The following TMEM200B variants were observed in gnomAD, a reference collection of about 807,000 sequenced individuals.
TMEM200B encodes transmembrane protein 200B, also known as transmembrane protein TTMA.
In TMEM200B, 12 loss-of-function variants were observed where a neutral mutation model predicts 17.6. The ratio of observed to expected loss-of-function variants is 0.68; its 90% CI spans 0.44 to 1.11. The LOEUF (loss-of-function observed/expected upper bound fraction) is 1.11, where lower values mean the gene tolerates loss of function less well. Ranked by LOEUF, TMEM200B falls within the 50% of genes least tolerant of loss-of-function variation. The pLI, the probability that TMEM200B is intolerant of heterozygous loss-of-function variation, is 0.00. For synonymous variants in TMEM200B, 234 were observed against 209.2 expected (o/e 1.12, Z -1.02); for missense variants, 456 against 447.6 (o/e 1.02, Z -0.17).
At position 29,120,798 on chromosome 1, in the gene TMEM200B, A is replaced by G; in HGVS notation, c.*107T>C. On this transcript the variant is annotated 3_prime_UTR_variant, in exon 2 of 2. Transcript: ENST00000521452. ...TGCTGTGGTCAGAGCATCCATCCCC[A>G]GCCTGGGATGTGACTGAAACATCTA... 7.4e-7 allele frequency: 1 copy of G among 1,356,122 alleles called. No homozygotes were observed. The highest frequency in any genetic ancestry group is 2.1e-4 in the Middle Eastern group (1 of 4,804). The allele number at this position is 1,356,122 out of a possible 1,614,324, so 84.0% of individuals were successfully genotyped here.
In TMEM200B at chr1:29,121,041, A is replaced by AAG. The variant is rs1393714564; in HGVS notation, c.787_788insCT (p.Leu263ProfsTer55). 1.2e-6 allele frequency: 2 copies of AAG among 1,613,824 alleles called. No individual in the cohort carries two copies. The highest frequency in any genetic ancestry group is 2.2e-5 in the South Asian group (2 of 91,088). On this transcript the variant is annotated frameshift_variant, in exon 2 of 2. Transcript: ENST00000521452. LOFTEE classifies it high-confidence loss of function. This position sits in a 1 kb window ranked among gnomAD's most constrained non-coding sequence, Gnocchi z 5.6. ...CCCAAGGAGGAGCTCCCCAAGGCCC[A>AAG]GATCCAGAGACTTGGAATGTTCAAT...
rs763533012 is a variant in TMEM200B, at chr1:29,121,054, T to G, written c.775A>C (p.Lys259Gln). ...TCCCCAAGGCCCAGATCCAGAGACTTGGAATGTTCAATGCAGGAGCCAGAC... is the reference window on the plus strand; with the variant it reads ...TCCCCAAGGCCCAGATCCAGAGACTGGGAATGTTCAATGCAGGAGCCAGAC... Reference protein sequence around the residue: ...QPSGSCIEHSKSLDLGLGELL... With the variant: ...QPSGSCIEHSQSLDLGLGELL... The change falls in exon 2 of 2, where the codon AAG becomes CAG. Residue 259 changes from lysine (K) to glutamine (Q), a missense_variant. By Grantham distance (53) the Lys-to-Gln change is moderately conservative. Coordinates refer to ENST00000521452, the MANE Select transcript of TMEM200B (RefSeq NM_001003682.4). This position sits in a 1 kb window ranked among gnomAD's most constrained non-coding sequence, Gnocchi z 5.6. The G allele has an allele frequency of 1.2e-6, 2 of 1,613,726 alleles. No homozygotes were observed. The highest frequency in any genetic ancestry group is 1.1e-5 in the South Asian group (1 of 91,070).
chr1:29,121,698 G>T lies in TMEM200B; in HGVS notation c.131C>A (p.Ala44Glu). Residue 44 changes from alanine (A) to glutamate (E), a missense_variant, in exon 2 of 2, where the codon GCG (alanine) becomes GAG (glutamate). By Grantham distance (107) the Ala-to-Glu change is moderately radical. Coordinates refer to ENST00000521452, the MANE Select transcript of TMEM200B (RefSeq NM_001003682.4). This position sits in a 1 kb window ranked among gnomAD's most constrained non-coding sequence, Gnocchi z 5.6. ...RSPPEPLRVRARLRLRSPSGA... is the reference protein window; with the variant it reads ...RSPPEPLRVRERLRLRSPSGA... ...CGACGGCGAGCGCAGCCGCAGCCGC[G>T]CCCGCACCCGCAGAGGCTCGGGCGG... The T allele has an allele frequency of 7.7e-7, 1 of 1,292,056 alleles. No homozygotes were observed. 80.0% of individuals were successfully genotyped at this position (1,292,056 alleles called of 1,614,324 possible).
rs745340664 is a variant in TMEM200B, at chr1:29,121,297, G to A, written c.532C>T (p.Pro178Ser). The A allele has an allele frequency of 6.2e-7, 1 of 1,604,120 alleles. No individual in the cohort carries two copies. The highest frequency in any genetic ancestry group is 1.3e-5 in the African/African-American group (1 of 74,816). Residue 178 changes from proline to serine, a missense_variant, in exon 2 of 2, where the codon CCC (proline) becomes TCC (serine). Transcript: ENST00000521452. The surrounding 1 kb of genome is among the most constrained non-coding windows in gnomAD (Gnocchi z 5.6). ...GGCTCTGCGCAGCCTACGGCTCGGG[G>A]ACTCCTAGGGCCGGGGCTGGGAAGG... The part of the protein sequence containing the change: ...ALLPSPGPRS[P>S]RAVGCAEPEI...
At position 29,121,693 on chromosome 1, in the gene TMEM200B, G is replaced by A; in HGVS notation, c.136C>T (p.Leu46=). The part of the protein sequence containing the change: ...PPEPLRVRAR[L]RLRSPSGAFA... The stretch of plus-strand genomic sequence containing the variant: ...GCCCCCGACGGCGAGCGCAGCCGCA[G>A]CCGCGCCCGCACCCGCAGAGGCTCG... The change falls in exon 2 of 2, where the codon CTG becomes TTG. Residue 46 remains leucine, a synonymous_variant. Transcript: ENST00000521452. This position sits in a 1 kb window ranked among gnomAD's most constrained non-coding sequence, Gnocchi z 5.6. The A allele has an allele frequency of 7.7e-7, 1 of 1,306,352 alleles. No homozygotes were observed. Among genetic ancestry groups the A allele is most frequent in the Non-Finnish European group, 9.7e-7 (1 of 1,031,102 alleles). The allele number at this position is 1,306,352 out of a possible 1,614,324, so 80.9% of individuals were successfully genotyped here.
At chr1:29,123,337 G>T (rs1242028077) in intron 1 of TMEM200B, among the ~76,000 whole-genome samples, 1 of 152,200 alleles carries the variant, frequency 6.6e-6, no homozygotes, top group Non-Finnish European at 1.5e-5. Flanking sequence ...GGGCTCCGGG[G>T]CCCCAGCCCT....
intron 1 of TMEM200B, 84 bp downstream of exon 1, chr1:29,123,772 C>CGAGGGAGCGAGG (rs1553318780): frequency 6.8e-6 from 1 of 146,778 alleles, no homozygotes; most frequent in Non-Finnish European, 1.5e-5. Context: ...GGGCCCTGAC[C>CGAGGGAGCGAGG]GAGGGAGGGA....
rs991945848 is a variant in TMEM200B, at chr1:29,123,646, A to C, written c.-21+210T>G. Among the ~76,000 whole-genome samples, 27 of 152,144 alleles carry C rather than the reference A, an allele frequency of 1.8e-4. No individual in the cohort carries two copies. In the Middle Eastern group the frequency reaches 0.024, roughly 134 times the overall value. On this transcript the variant is annotated intron_variant, in intron 1 of 1. Coordinates refer to ENST00000521452, the MANE Select transcript of TMEM200B (RefSeq NM_001003682.4). ...CAGGGAGGCGGAAACTTGGGGACACAGCGCACAGCCCGACAGAAGATGCTG... is the reference window on the plus strand; with the variant it reads ...CAGGGAGGCGGAAACTTGGGGACACCGCGCACAGCCCGACAGAAGATGCTG...
chr1:29,119,812 C>T lies in TMEM200B; in HGVS notation c.*1093G>A, dbSNP rs1671605560. On this transcript the variant is annotated 3_prime_UTR_variant, in exon 2 of 2. Transcript: ENST00000521452. ...TATTTTGGTGACAAAAATGAAGGAG[C>T]TTTGTAAATTTTTTTTAAAATTATG... The T allele has an allele frequency of 1.6e-5, 1 of 62,934 alleles. No homozygotes were observed. Among genetic ancestry groups the T allele is most frequent in the African/African-American group, 4.6e-5 (1 of 21,970 alleles). The allele number at this position is 62,934 out of a possible 1,614,324, so 3.9% of individuals were successfully genotyped here.
In TMEM200B at chr1:29,121,811, G is replaced by T; in HGVS notation, c.18C>A (p.Pro6=). 2 of 1,284,192 alleles carry T rather than the reference G, an allele frequency of 1.6e-6. No individual in the cohort carries two copies. The allele number at this position is 1,284,192 out of a possible 1,614,324, so 79.5% of individuals were successfully genotyped here. The part of the protein sequence containing the change: MTAGS[P]EECGEVRRSP... Reference sequence around the variant, plus strand: ...TCCTCCGCACCTCCCCGCATTCTTCGGGGCTCCCGGCCGTCATCTCGCCGT... The same window carrying T: ...TCCTCCGCACCTCCCCGCATTCTTCTGGGCTCCCGGCCGTCATCTCGCCGT... Residue 6 remains proline, a synonymous_variant, in exon 2 of 2, where the codon CCC becomes CCA. Transcript: ENST00000521452. The surrounding 1 kb of genome is among the most constrained non-coding windows in gnomAD (Gnocchi z 5.6).
rs528899094 is a variant in TMEM200B, at chr1:29,122,895, G to A, written c.-21+961C>T. Among the ~76,000 whole-genome samples the A allele has an allele frequency of 4.6e-5, 7 of 152,362 alleles. No individual in the cohort carries two copies. In the South Asian group the frequency reaches 1.2e-3, roughly 27 times the overall value. On this transcript the variant is annotated intron_variant, in intron 1 of 1. Transcript: ENST00000521452. ...TGGCCGCGCCCTGCCTGCGGCCTGT[G>A]GCCTGGATCCCGGGCCCAGCAGGAG... is the stretch of plus-strand genomic sequence containing the variant.
chr1:29,122,180 G>A (rs1371936743), intron 1 of TMEM200B, among the ~76,000 whole-genome samples: 2 of 152,206 alleles, frequency 1.3e-5, no homozygotes, highest in Non-Finnish European at 2.9e-5. Flanking sequence ...CAAGCCCGCG[G>A]GTCTTGGGCC....
chr1:29,121,311 G>A lies in TMEM200B; in HGVS notation c.518C>T (p.Pro173Leu), dbSNP rs747519781. The A allele has an allele frequency of 6.3e-7, 1 of 1,597,806 alleles. No homozygotes were observed. Among genetic ancestry groups the A allele is most frequent in the East Asian group, 2.3e-5 (1 of 44,152 alleles). Reference sequence around the variant, plus strand: ...TACGGCTCGGGGACTCCTAGGGCCGGGGCTGGGAAGGAGGGCGCAGTCCCA... The same window carrying A: ...TACGGCTCGGGGACTCCTAGGGCCGAGGCTGGGAAGGAGGGCGCAGTCCCA... The part of the protein sequence containing the change: ...PGWDCALLPS[P>L]GPRSPRAVGC... Residue 173 changes from proline (P) to leucine (L), a missense_variant, in exon 2 of 2, where the codon CCC becomes CTC. Transcript: ENST00000521452. The surrounding 1 kb of genome is among the most constrained non-coding windows in gnomAD (Gnocchi z 5.6).
chr1:29,123,749 C>A (rs1232059114), intron 1 of TMEM200B, 107 bp downstream of exon 1: 1 of 148,732 alleles, frequency 6.7e-6, no homozygotes. Flanking sequence ...GAGGGCCGCG[C>A]TCCCGCCCCC....
rs1435934101 is a variant in TMEM200B at position 29,121,161 on chromosome 1, C to A, written c.668G>T (p.Ser223Ile). The part of the protein sequence containing the change: ...PRLGLPALLN[S>I]YPLKGPGLPP... ...CAGCCCGGGGCCCTTCAGCGGGTAG[C>A]TGTTGAGCAAGGCAGGTAACCCCAA... The change falls in exon 2 of 2, where the codon AGC becomes ATC. Residue 223 changes from serine to isoleucine, a missense_variant. Physicochemically the swap from Ser to Ile is moderately radical, Grantham distance 142 (BLOSUM62 -2). Transcript: ENST00000521452. This position sits in a 1 kb window ranked among gnomAD's most constrained non-coding sequence, Gnocchi z 5.6. The A allele has an allele frequency of 1.9e-6, 3 of 1,613,654 alleles. No homozygotes were observed. The highest frequency in any genetic ancestry group is 1.1e-5 in the South Asian group (1 of 91,088).
chr1:29,121,981 C>T lies in TMEM200B; in HGVS notation c.-20-133G>A. ...GCCGCTTGGAGATCCCTGGCGGCCA[C>T]CCCCGGATTTTCCCGGGCGGCGAGG... On this transcript the variant is annotated intron_variant, in intron 1 of 1. Transcript: ENST00000521452. The surrounding 1 kb of genome is among the most constrained non-coding windows in gnomAD (Gnocchi z 5.6). 7.2e-6 allele frequency: 5 copies of T among 691,726 alleles called. No individual in the cohort carries two copies. The highest frequency in any genetic ancestry group is 7.7e-6 in the Non-Finnish European group (4 of 522,838). 42.8% of individuals were successfully genotyped at this position (691,726 alleles called of 1,614,324 possible).
chr1:29,121,016 C>A lies in TMEM200B; in HGVS notation c.813G>T (p.Gly271=), dbSNP rs143096815. ...LDLGLGELLL[G]APAARDCAHR... ...GAGCACAGTCCCGAGCTGCTGGGGC[C>A]CCAAGGAGGAGCTCCCCAAGGCCCA... The change falls in exon 2 of 2, where the codon GGG becomes GGT. Residue 271 remains glycine (G), a synonymous_variant. Transcript: ENST00000521452. The surrounding 1 kb of genome is among the most constrained non-coding windows in gnomAD (Gnocchi z 5.6). 6 of 1,613,764 alleles carry A rather than the reference C, an allele frequency of 3.7e-6. No homozygotes were observed. In the African/African-American group the frequency reaches 8.0e-5, roughly 21 times the overall value.
At position 29,121,297 on chromosome 1, in the gene TMEM200B, G is replaced by GAAGGAGCCT. The variant is rs751175312; in HGVS notation, c.531_532insAGGCTCCTT (p.Ser177_Pro178insArgLeuLeu). 1.9e-6 allele frequency: 3 copies of GAAGGAGCCT among 1,604,238 alleles called. No homozygotes were observed. Among genetic ancestry groups the GAAGGAGCCT allele is most frequent in the Non-Finnish European group, 2.5e-6 (3 of 1,176,536 alleles). The stretch of plus-strand genomic sequence containing the variant: ...GGCTCTGCGCAGCCTACGGCTCGGG[G>GAAGGAGCCT]ACTCCTAGGGCCGGGGCTGGGAAGG... On this transcript the variant is annotated inframe_insertion, in exon 2 of 2. Coordinates refer to ENST00000521452, the MANE Select transcript of TMEM200B (RefSeq NM_001003682.4). The surrounding 1 kb of genome is among the most constrained non-coding windows in gnomAD (Gnocchi z 5.6).
chr1:29,121,354 G>A lies in TMEM200B; in HGVS notation c.475C>T (p.Pro159Ser), dbSNP rs750055041. 10 of 1,559,978 alleles carry A rather than the reference G, an allele frequency of 6.4e-6. No homozygotes were observed. Among genetic ancestry groups the A allele is most frequent in the Non-Finnish European group, 7.8e-6 (9 of 1,154,342 alleles). ...QGVLRAQALR[P>S]PDGPGWDCAL... is the part of the protein sequence containing the mutation. The stretch of plus-strand genomic sequence containing the variant: ...CAGTCCCAGCCCGGGCCGTCGGGGG[G>A]CCGGAGCGCCTGGGCCCGCAGCACC... The change falls in exon 2 of 2, where the codon CCC (proline) becomes TCC (serine). Residue 159 changes from proline (P) to serine (S), a missense_variant. Pro to Ser is a moderately conservative substitution (Grantham distance 74, BLOSUM62 -1). Coordinates refer to ENST00000521452, the MANE Select transcript of TMEM200B (RefSeq NM_001003682.4). The surrounding 1 kb of genome is among the most constrained non-coding windows in gnomAD (Gnocchi z 5.6).
Sources: gnomAD v4.1 joint callset for allele counts (sites outside exome capture counted in the v4.1 genomes callset) on GRCh38, gnomAD v4.1.1 for gene constraint, Gnocchi (gnomAD v3.1) non-coding constraint, MANE v1.5 for transcripts, NCBI Gene and HGNC (gene_info 2026-07-23, HGNC 2026-07-21) for gene names.